The following SULF1 variants were observed in gnomAD, a reference collection of about 807,000 sequenced individuals.
SULF1 encodes extracellular sulfatase Sulf-1.
In SULF1, 46 loss-of-function variants were observed where a neutral mutation model predicts 110.5. The observed-to-expected ratio is 0.42, with a 90% confidence interval of 0.33 to 0.53. The LOEUF (loss-of-function observed/expected upper bound fraction) is 0.53. SULF1 is among the 20% of genes least tolerant of loss of function. SULF1 has a pLI of 0.12. For missense variants in SULF1, 941 were observed against 1,094.2 expected (o/e 0.86, Z 1.98); for synonymous variants, 371 against 387.1 (o/e 0.96, Z 0.49).
intron 21 of SULF1, among the ~76,000 whole-genome samples, chr8:69,640,453 GT>G (rs1325201354): frequency 1.3e-5 from 2 of 152,008 alleles, no homozygotes; most frequent in Non-Finnish European, 2.9e-5. Context: ...TTATTAGCCC[GT>G]TTTTTTCCAA....
intron 3 of SULF1, among the ~76,000 whole-genome samples, chr8:69,503,084 G>A (rs928591967): frequency 6.6e-5 from 10 of 152,260 alleles, no homozygotes; most frequent in Non-Finnish European, 1.0e-4. Context: ...AAAAAGCAAC[G>A]TCTTCAAGTC....
At chr8:69,657,598 G>T (rs1353717166) in intron 22 of SULF1, among the ~76,000 whole-genome samples, 1 of 152,024 alleles carries the variant, frequency 6.6e-6, no homozygotes, top group Non-Finnish European at 1.5e-5. Flanking sequence ...AGCTCTGCTG[G>T]GATTTGGTGT....
At chr8:69,568,772 A>C (rs1162921372) in intron 5 of SULF1, among the ~76,000 whole-genome samples, 1 of 152,248 alleles carries the variant, frequency 6.6e-6, no homozygotes, top group Non-Finnish European at 1.5e-5. Context: ...TAAACACGCA[A>C]GGAAGTGATC....
At chr8:69,470,606 A>G (rs1018240239) in intron 1 of SULF1, among the ~76,000 whole-genome samples, 4 of 152,030 alleles carry the variant, frequency 2.6e-5, no homozygotes, top group African/African-American at 9.7e-5. Context: ...CATGTGGGCC[A>G]TTGCAACAGC....
chr8:69,583,018 C>G (rs998316149), intron 6 of SULF1, among the ~76,000 whole-genome samples: 1 of 152,194 alleles, frequency 6.6e-6, no homozygotes, highest in African/African-American at 2.4e-5. Flanking sequence ...ACACTTTGCC[C>G]TACACTGATC....
intron 3 of SULF1, among the ~76,000 whole-genome samples, chr8:69,555,775 A>T: frequency 6.6e-6 from 1 of 152,198 alleles, no homozygotes; most frequent in East Asian, 1.9e-4. Context: ...TGATTTTCAG[A>T]TGGTATATTT....
At chr8:69,569,169 A>G (rs1805037290) in intron 5 of SULF1, among the ~76,000 whole-genome samples, 1 of 152,162 alleles carries the variant, frequency 6.6e-6, no homozygotes, top group Admixed American at 6.5e-5. Context: ...GGAACATCTC[A>G]GTAACATTGA....
intron 22 of SULF1, among the ~76,000 whole-genome samples, chr8:69,652,501 C>T (rs1353343974): frequency 6.6e-6 from 1 of 152,226 alleles, no homozygotes; most frequent in Non-Finnish European, 1.5e-5. Flanking sequence ...AGACCTGATG[C>T]ATCTTTGCAC....
intron 1 of SULF1, among the ~76,000 whole-genome samples, chr8:69,478,064 A>G (rs1809375947): frequency 6.6e-6 from 1 of 152,064 alleles, no homozygotes; most frequent in African/African-American, 2.4e-5. Context: ...TATGTTGCCC[A>G]ACTGGTCTCA....
At chr8:69,523,771 T>C (rs1812482006) in intron 3 of SULF1, among the ~76,000 whole-genome samples, 2 of 152,022 alleles carry the variant, frequency 1.3e-5, no homozygotes, top group African/African-American at 4.8e-5. Flanking sequence ...CCCTGCCTTG[T>C]CAAAGGATTG....
At chr8:69,601,498 C>G (rs1807800591) in intron 9 of SULF1, among the ~76,000 whole-genome samples, 156 bp from the exon 10 acceptor site, 1 of 152,172 alleles carries the variant, frequency 6.6e-6, no homozygotes, top group South Asian at 2.1e-4. Context: ...CCCTCCCAGA[C>G]TGTAAGCAAA....
Position 69,495,778 on chromosome 8 carries a change from C to T in SULF1, c.-377C>T, listed in dbSNP as rs1206903023. ...TTTCCTTAACAGGGATTCTTCACTTCTCTTGAACAAGGAACTCACTCAGAG... is the reference window on the plus strand; with the variant it reads ...TTTCCTTAACAGGGATTCTTCACTTTTCTTGAACAAGGAACTCACTCAGAG... On this transcript the variant is annotated 5_prime_UTR_variant, in exon 2 of 23. Transcript: ENST00000402687. The T allele has an allele frequency of 6.6e-6, 1 of 152,214 alleles. No homozygotes were observed. The highest frequency in any genetic ancestry group is 2.4e-5 in the African/African-American group (1 of 41,444). The allele number at this position is 152,214 out of a possible 1,614,324, so 9.4% of individuals were successfully genotyped here. A position where few individuals can be genotyped will look rare whatever the true frequency, so the allele number is the denominator to read the frequency against.
intron 3 of SULF1, chr8:69,563,134 T>TCA (rs1815624666): frequency 6.6e-6 from 1 of 152,494 alleles, no homozygotes; most frequent in African/African-American, 2.4e-5. Context: ...GTACTCAGTA[T>TCA]CACACGCAGG....
Position 69,586,353 on chromosome 8 carries a change from G to T in SULF1, c.413-4G>T. On this transcript the variant is annotated splice_region_variant and splice_polypyrimidine_tract_variant and intron_variant, in intron 6 of 22. Coordinates refer to ENST00000402687, the MANE Select transcript of SULF1 (RefSeq NM_001128205.2). ...AAAAAAATAATTCTTTTTTCCCACTGCAGCCTTTTTTGGAAAATACCTCAA... is the reference window on the plus strand; with the variant it reads ...AAAAAAATAATTCTTTTTTCCCACTTCAGCCTTTTTTGGAAAATACCTCAA... 1.3e-6 allele frequency: 2 copies of T among 1,549,164 alleles called. No homozygotes were observed. Among genetic ancestry groups the T allele is most frequent in the Non-Finnish European group, 8.7e-7 (1 of 1,152,460 alleles).
At chr8:69,516,013 C>T (rs1224109401) in intron 3 of SULF1, among the ~76,000 whole-genome samples, 1 of 152,172 alleles carries the variant, frequency 6.6e-6, no homozygotes, top group African/African-American at 2.4e-5. Flanking sequence ...CCAGGAAGTT[C>T]CAAACTTTCA....
At chr8:69,595,078 G>A (rs1386998525) in intron 8 of SULF1, among the ~76,000 whole-genome samples, 3 of 152,134 alleles carry the variant, frequency 2.0e-5, no homozygotes, top group Admixed American at 6.5e-5. Context: ...TTTAAAAATA[G>A]TATCAAGATA....
intron 9 of SULF1, 89 bp downstream of exon 9, chr8:69,600,842 C>G: frequency 7.4e-7 from 1 of 1,359,358 alleles, no homozygotes; most frequent in Non-Finnish European, 1.0e-6. Context: ...GGTTTTTTCC[C>G]CTTCATTTTC....
At chr8:69,655,155 G>A (rs1812627365) in intron 22 of SULF1, among the ~76,000 whole-genome samples, 1 of 152,204 alleles carries the variant, frequency 6.6e-6, no homozygotes, top group Non-Finnish European at 1.5e-5. Flanking sequence ...TTGCTCCCAT[G>A]TAATCCACTT....
At chr8:69,645,002 G>A (rs1811779701) in intron 22 of SULF1, among the ~76,000 whole-genome samples, 1 of 152,102 alleles carries the variant, frequency 6.6e-6, no homozygotes, top group African/African-American at 2.4e-5. Context: ...AGCAGGGGCA[G>A]GGTTTGGGGT....
Sources: allele counts gnomAD v4.1 joint callset (sites outside exome capture counted in the v4.1 genomes callset), GRCh38; gene constraint gnomAD v4.1.1; transcripts MANE v1.5; gene names NCBI Gene and HGNC (gene_info 2026-07-23, HGNC 2026-07-21).